The following BMP6 variants were observed in gnomAD, a reference collection of about 807,000 sequenced individuals.
BMP6 encodes bone morphogenetic protein 6.
Under a neutral mutation model 54.1 loss-of-function variants are expected in BMP6, and 17 were observed. That is an observed-to-expected ratio of 0.31 (90% CI 0.22 to 0.47). The LOEUF (loss-of-function observed/expected upper bound fraction) is 0.47, where lower values mean the gene tolerates loss of function less well. Ranked by LOEUF, BMP6 falls within the 20% of genes least tolerant of loss-of-function variation. BMP6 has a pLI of 1.00. For missense variants in BMP6, 720 were observed against 690.4 expected (o/e 1.04, Z -0.48); for synonymous variants, 328 against 291.2 (o/e 1.13, Z -1.28).
intron 1 of BMP6, among the ~76,000 whole-genome samples, chr6:7,824,615 AGGTAATCTGATAATCCCAAAAG>A (rs1758664014): frequency 6.6e-6 from 1 of 152,252 alleles, no homozygotes; most frequent in Non-Finnish European, 1.5e-5. Flanking sequence ...AACTACACAG[AGGTAATCTGATAATCCCAAAAG>A]GGTAATCTGA....
chr6:7,874,516 G>A (rs555636883), intron 4 of BMP6, among the ~76,000 whole-genome samples: 1 of 152,194 alleles, frequency 6.6e-6, no homozygotes, highest in Non-Finnish European at 1.5e-5. Context: ...AGCACCTTGG[G>A]AGGCTAAAGC....
At chr6:7,873,313 A>G (rs1287865449) in intron 4 of BMP6, among the ~76,000 whole-genome samples, 1 of 152,184 alleles carries the variant, frequency 6.6e-6, no homozygotes, top group Non-Finnish European at 1.5e-5. Flanking sequence ...AGAACTCAAG[A>G]AAGTGCTATA....
chr6:7,821,460 G>A (rs1250609459), intron 1 of BMP6, among the ~76,000 whole-genome samples: 1 of 152,138 alleles, frequency 6.6e-6, no homozygotes, highest in East Asian at 1.9e-4. Flanking sequence ...TGAGGCAGGA[G>A]GATCACTTGA....
intron 1 of BMP6, among the ~76,000 whole-genome samples, chr6:7,799,723 T>C (rs1253695744): frequency 2.7e-5 from 4 of 145,704 alleles, no homozygotes; most frequent in Admixed American, 7.1e-5. Flanking sequence ...CTCCTTGACT[T>C]ATAGTTACAC....
At chr6:7,873,032 A>T (rs1033351234) in intron 4 of BMP6, among the ~76,000 whole-genome samples, 4 of 151,918 alleles carry the variant, frequency 2.6e-5, no homozygotes, top group Non-Finnish European at 5.9e-5. Flanking sequence ...TCTCAAACTC[A>T]TGGGTTCAAA....
chr6:7,834,562 G>A (rs1359908039), intron 1 of BMP6, among the ~76,000 whole-genome samples: 5 of 151,746 alleles, frequency 3.3e-5, no homozygotes, highest in African/African-American at 1.2e-4. Flanking sequence ...AAACTAGGGT[G>A]TGGTGACATG....
intron 1 of BMP6, among the ~76,000 whole-genome samples, chr6:7,767,910 G>A (rs1757716775): frequency 6.6e-6 from 1 of 152,102 alleles, no homozygotes; most frequent in Non-Finnish European, 1.5e-5. Flanking sequence ...AGCCCTCTGT[G>A]GTCTATGATT....
At chr6:7,772,051 C>CA (rs68086058) in intron 1 of BMP6, among the ~76,000 whole-genome samples, 89,167 of 141,064 alleles carry the variant, frequency 0.63, 29,626 homozygotes, top group Non-Finnish European at 0.76. Flanking sequence ...AAGCCTGCCT[C>CA]AAAAAAAAAA....
At chr6:7,854,837 A>G (rs796156527) in intron 2 of BMP6, among the ~76,000 whole-genome samples, 26 of 152,316 alleles carry the variant, frequency 1.7e-4, no homozygotes, top group African/African-American at 6.3e-4. Context: ...AACAGGTGAC[A>G]AACTCCGCAC....
At chr6:7,834,268 A>G (rs1281203327) in intron 1 of BMP6, among the ~76,000 whole-genome samples, 1 of 151,390 alleles carries the variant, frequency 6.6e-6, no homozygotes, top group African/African-American at 2.4e-5. Context: ...CTACCAAAAA[A>G]TCAAAAATCT....
At chr6:7,868,764 G>A (rs1759470915) in intron 4 of BMP6, among the ~76,000 whole-genome samples, 1 of 152,246 alleles carries the variant, frequency 6.6e-6, no homozygotes, top group African/African-American at 2.4e-5. Context: ...CCTGCTGAGC[G>A]GGGACACCCG....
At chr6:7,873,791 A>C (rs1374485441) in intron 4 of BMP6, among the ~76,000 whole-genome samples, 1 of 151,990 alleles carries the variant, frequency 6.6e-6, no homozygotes, top group African/African-American at 2.4e-5. Context: ...AAGACCAGAG[A>C]TATATTTATT....
At chr6:7,800,789 A>T (rs1378172280) in intron 1 of BMP6, among the ~76,000 whole-genome samples, 1 of 151,612 alleles carries the variant, frequency 6.6e-6, no homozygotes, top group African/African-American at 2.4e-5. Context: ...ATTCATTAAA[A>T]CTTCATTAAT....
At chr6:7,761,977 AGTGGCGTG>A (rs1365178504) in intron 1 of BMP6, among the ~76,000 whole-genome samples, 17 of 152,016 alleles carry the variant, frequency 1.1e-4, no homozygotes, top group African/African-American at 1.9e-4. Flanking sequence ...AGCTCACTGC[AGTGGCGTG>A]ATCTCAGCTC....
chr6:7,793,596 T>C (rs1052766041), intron 1 of BMP6, among the ~76,000 whole-genome samples: 10 of 152,052 alleles, frequency 6.6e-5, no homozygotes, highest in African/African-American at 1.9e-4. Context: ...GATGTTGATA[T>C]GGGGGAGGCT....
chr6:7,777,664 C>G (rs1033338632), intron 1 of BMP6, among the ~76,000 whole-genome samples: 3 of 144,194 alleles, frequency 2.1e-5, no homozygotes, highest in African/African-American at 8.0e-5. Flanking sequence ...AGACCTCTAT[C>G]TTTCCGGCAT....
intron 1 of BMP6, among the ~76,000 whole-genome samples, chr6:7,808,129 C>T (rs986050276): frequency 6.6e-5 from 10 of 151,990 alleles, no homozygotes; most frequent in East Asian, 5.8e-4. Context: ...ACCGTGTTAG[C>T]CAGGATGGTC....
At chr6:7,834,177 A>G (rs1210887185) in intron 1 of BMP6, among the ~76,000 whole-genome samples, 1 of 133,924 alleles carries the variant, frequency 7.5e-6, no homozygotes, top group Non-Finnish European at 1.5e-5. Context: ...TCCTCACAAG[A>G]ACAAATGCTT....
intron 1 of BMP6, among the ~76,000 whole-genome samples, chr6:7,813,109 ATATATATATATATATATATAT>A (rs1369215638): frequency 0.046 from 719 of 15,752 alleles, 127 homozygotes; most frequent in African/African-American, 0.15. Flanking sequence ...AAAAAAAAAA[ATATATATATATATATATATAT>A]ATATATATAT....
Sources: allele counts gnomAD v4.1 joint callset (sites outside exome capture counted in the v4.1 genomes callset), GRCh38; gene constraint gnomAD v4.1.1; transcripts MANE v1.5; gene names NCBI Gene and HGNC (gene_info 2026-07-23, HGNC 2026-07-21).